The following NAV3 variants were observed in gnomAD, a reference collection of about 807,000 sequenced individuals.
NAV3 encodes pore membrane and/or filament interacting like protein 1.
NAV3 carries 87 observed loss-of-function variants against 244.7 expected under a neutral mutation model. The ratio of observed to expected loss-of-function variants is 0.36; its 90% CI spans 0.30 to 0.42. NAV3 has a LOEUF of 0.42. Among genes scored for constraint, NAV3 ranks in the 20% least tolerant of loss-of-function variants. The pLI, the probability that NAV3 is intolerant of heterozygous loss-of-function variation, is 1.00. For missense variants in NAV3, 2,663 were observed against 2,893.3 expected, an observed-to-expected ratio of 0.92 and a Z score of 1.83; for synonymous variants, 1,126 against 1,042.2, an observed-to-expected ratio of 1.08 and a Z score of -1.55.
At chr12:77,907,143 C>T (rs996838604) in intron 1 of NAV3, among the ~76,000 whole-genome samples, 4 of 152,158 alleles carry the variant, frequency 2.6e-5, no homozygotes, top group Non-Finnish European at 2.9e-5. Flanking sequence ...CTCATGCTAG[C>T]TACTCAATAA....
intron 8 of NAV3, among the ~76,000 whole-genome samples, chr12:78,007,822 CG>C (rs1874510342): frequency 6.6e-6 from 1 of 152,098 alleles, no homozygotes; most frequent in South Asian, 2.1e-4. Flanking sequence ...ACATCGTTTA[CG>C]GTTATTTTTG....
At chr12:77,592,176 T>G (rs1869937129) in intron 2 of NAV3, among the ~76,000 whole-genome samples, 1 of 152,152 alleles carries the variant, frequency 6.6e-6, no homozygotes, top group African/African-American at 2.4e-5. Context: ...ATTAGGAAGC[T>G]TAGTGAAAGT....
chr12:77,741,146 G>GAAAAAAAAAAAAAAAAAAAAAAAAAAAA (rs1393220189), intron 2 of NAV3, among the ~76,000 whole-genome samples: 1 of 7,368 alleles, frequency 1.4e-4, no homozygotes, highest in African/African-American at 4.4e-4. Flanking sequence ...AAAAAAAAAA[G>GAAAAAAAAAAAAAAAAAAAAAAAAAAAA]ACAAAAAAAA....
At chr12:78,149,067 C>A (rs896615789) in intron 22 of NAV3, 148 bp downstream of exon 22, 6 of 659,644 alleles carry the variant, frequency 9.1e-6, no homozygotes, top group Non-Finnish European at 1.0e-5. Flanking sequence ...ACATTTTTTG[C>A]CTACTCAGTA....
chr12:78,046,884 C>T (rs1593380418), intron 9 of NAV3, among the ~76,000 whole-genome samples: 1 of 152,104 alleles, frequency 6.6e-6, no homozygotes, highest in Non-Finnish European at 1.5e-5. Context: ...TTGTAGGTCT[C>T]TAAGAACTTG....
chr12:78,206,854 CTTTTTTTT>C (rs10594185), intron 39 of NAV3, among the ~76,000 whole-genome samples: 5 of 114,840 alleles, frequency 4.4e-5, no homozygotes, highest in Non-Finnish European at 8.8e-5. Flanking sequence ...TTCTTTCTTA[CTTTTTTTT>C]TTTTTTTTTT....
chr12:77,596,716 G>T (rs1310124254), intron 2 of NAV3, among the ~76,000 whole-genome samples: 1 of 152,056 alleles, frequency 6.6e-6, no homozygotes, highest in Non-Finnish European at 1.5e-5. Context: ...AATGAAAGAA[G>T]TTTCTATAAT....
At chr12:77,577,956 G>T (rs1869169992) in intron 2 of NAV3, among the ~76,000 whole-genome samples, 1 of 152,070 alleles carries the variant, frequency 6.6e-6, no homozygotes. Context: ...AGACAGGGTG[G>T]ATAAAAATTT....
At chr12:77,683,684 TG>T (rs1196745808) in intron 2 of NAV3, among the ~76,000 whole-genome samples, 2 of 152,172 alleles carry the variant, frequency 1.3e-5, no homozygotes, top group East Asian at 1.9e-4. Flanking sequence ...ATTGCAAAAA[TG>T]GGTTACACAG....
intron 3 of NAV3, among the ~76,000 whole-genome samples, chr12:77,943,948 A>C (rs1257728623): frequency 6.6e-6 from 1 of 152,236 alleles, no homozygotes; most frequent in Non-Finnish European, 1.5e-5. Flanking sequence ...CAATGTATTG[A>C]TAAATTTCCA....
chr12:77,708,192 T>C (rs1372311254), intron 2 of NAV3, among the ~76,000 whole-genome samples: 1 of 152,210 alleles, frequency 6.6e-6, no homozygotes, highest in East Asian at 1.9e-4. Context: ...ATGGTTTAGG[T>C]CTAACATTTA....
Position 78,119,447 on chromosome 12 carries a change from C to T in NAV3, c.3251C>T (p.Ala1084Val), listed in dbSNP as rs557660990. Residue 1084 changes from alanine to valine, a missense_variant, in exon 15 of 40, where the codon GCA (alanine) becomes GTA (valine). Ala to Val is a moderately conservative substitution (Grantham distance 64, BLOSUM62 0). This residue lies in a region of NAV3 where 1,521 missense variants were observed against 1,497.0 expected (regional missense o/e 1.02). Transcript: ENST00000397909. ...TCTGCCATGATCACCAGCAGTGGAG[C>T]AACCATAACAAGTGGCTCTGCAACA... The part of the protein sequence containing the change: ...GSSAMITSSG[A>V]TITSGSATLG... 1 of 1,614,176 alleles carries T rather than the reference C, an allele frequency of 6.2e-7. No individual in the cohort carries two copies. The highest frequency in any genetic ancestry group is 1.3e-5 in the African/African-American group (1 of 75,032).
intron 1 of NAV3, among the ~76,000 whole-genome samples, chr12:77,871,059 G>A (rs1345269560): frequency 2.0e-5 from 3 of 152,146 alleles, no homozygotes; most frequent in African/African-American, 4.8e-5. Flanking sequence ...CCCATCATAG[G>A]AGGCCCACTT....
intron 12 of NAV3, among the ~76,000 whole-genome samples, chr12:78,083,903 C>CA (rs1566107969): frequency 6.6e-6 from 1 of 152,084 alleles, no homozygotes; most frequent in African/African-American, 2.4e-5. Context: ...ACCAGCCAAA[C>CA]AAAAAACCTT....
chr12:78,060,374 C>T (rs1464999154), intron 12 of NAV3, among the ~76,000 whole-genome samples: 1 of 152,034 alleles, frequency 6.6e-6, no homozygotes, highest in East Asian at 1.9e-4. Flanking sequence ...TGTTGATATC[C>T]TGACTCATAG....
At chr12:78,203,599 G>C (rs1230793194) in intron 38 of NAV3, among the ~76,000 whole-genome samples, 2 of 151,986 alleles carry the variant, frequency 1.3e-5, no homozygotes, top group Non-Finnish European at 1.5e-5. Flanking sequence ...AAGTTTTTAT[G>C]GTGTTAATGT....
intron 2 of NAV3, among the ~76,000 whole-genome samples, chr12:77,764,248 T>C (rs1454641553): frequency 6.6e-6 from 1 of 152,232 alleles, no homozygotes; most frequent in Non-Finnish European, 1.5e-5. Flanking sequence ...ATTGTTTATG[T>C]GTTTATTTGG....
At chr12:77,583,461 C>T (rs1480095573) in intron 2 of NAV3, among the ~76,000 whole-genome samples, 1 of 152,116 alleles carries the variant, frequency 6.6e-6, no homozygotes, top group Admixed American at 6.5e-5. Context: ...ACTTTTAAAA[C>T]AATGTGAACT....
At position 77,615,259 on chromosome 12, in the gene NAV3, AT is replaced by A. The variant is rs1719050245; in HGVS notation, c.72+43000del. 2.0e-5 allele frequency among the ~76,000 whole-genome samples: 3 copies of A among 152,136 alleles called. 1 individual carries two copies. Among genetic ancestry groups the A allele is most frequent in the Middle Eastern group, 3.4e-3 (1 of 294 alleles). On this transcript the variant is annotated intron_variant, in intron 2 of 8. Transcript: ENST00000550042. ...AATGAAGTATTTATTTTATTTATTT[AT>A]TTTTTTGGGTTCGGGAGTACATGTA... is the stretch of plus-strand genomic sequence containing the variant.
Sources: gnomAD v4.1 joint callset for allele counts (sites outside exome capture counted in the v4.1 genomes callset) on GRCh38, gnomAD v4.1.1 for gene constraint, gnomAD v4.1.1 regional missense constraint, MANE v1.5 for transcripts, NCBI Gene and HGNC (gene_info 2026-07-23, HGNC 2026-07-21) for gene names.